Variants in MOB3B observed in about 807,000 individuals in gnomAD.
MOB3B encodes the protein MOB kinase activator 3B.
Under a neutral mutation model 18.7 loss-of-function variants are expected in MOB3B, and 7 were observed. The observed-to-expected ratio is 0.37, with a 90% CI of 0.21 to 0.70. The LOEUF (loss-of-function observed/expected upper bound fraction) is 0.70. Among genes scored for constraint, MOB3B ranks in the 30% least tolerant of loss-of-function variants. MOB3B has a pLI of 0.52. For missense variants in MOB3B, 253 were observed against 281.3 expected (o/e 0.90, Z 0.72); for synonymous variants, 111 against 99.9 (o/e 1.11, Z -0.66).
intron 1 of MOB3B, among the ~76,000 whole-genome samples, chr9:27,485,985 G>T (rs1819724175): frequency 6.6e-6 from 1 of 152,128 alleles, no homozygotes; most frequent in African/African-American, 2.4e-5. Flanking sequence ...CACTAGGCTG[G>T]GTTTTCTGTA....
intron 1 of MOB3B, chr9:27,524,713 A>C (rs754683878): frequency 1.2e-6 from 2 of 1,614,060 alleles, no homozygotes; most frequent in South Asian, 2.2e-5. Flanking sequence ...GAGTACCTGA[A>C]CCAATGCTTG....
intron 3 of MOB3B, among the ~76,000 whole-genome samples, chr9:27,357,144 A>ATATATATATATATATATATATATGTG (rs1486801059): frequency 7.4e-5 from 6 of 80,968 alleles, no homozygotes; most frequent in African/African-American, 2.5e-4. Context: ...ATATATATAT[A>ATATATATATATATATATATATATGTG]TGTGTTTTTT....
chr9:27,354,601 G>A (rs1459408613), intron 3 of MOB3B, among the ~76,000 whole-genome samples: 1 of 152,194 alleles, frequency 6.6e-6, no homozygotes, highest in African/African-American at 2.4e-5. Context: ...GATAAGGGGC[G>A]TATTGAAGAG....
chr9:27,528,962 T>C (rs1820484984), intron 1 of MOB3B, among the ~76,000 whole-genome samples: 1 of 152,178 alleles, frequency 6.6e-6, no homozygotes, highest in South Asian at 2.1e-4. Flanking sequence ...TTGACAGTTG[T>C]TGGCCCCAAA....
At chr9:27,513,262 T>C (rs1218280327) in intron 1 of MOB3B, among the ~76,000 whole-genome samples, 1 of 152,110 alleles carries the variant, frequency 6.6e-6, no homozygotes, top group Admixed American at 6.5e-5. Flanking sequence ...TCTTATTTTT[T>C]CCATCTCTAC....
At chr9:27,520,419 G>A (rs1168510606) in intron 1 of MOB3B, among the ~76,000 whole-genome samples, 1 of 152,230 alleles carries the variant, frequency 6.6e-6, no homozygotes, top group Non-Finnish European at 1.5e-5. Flanking sequence ...GCCTACTGAT[G>A]ACAAACTCAG....
chr9:27,407,983 A>C (rs1822012638), intron 2 of MOB3B, among the ~76,000 whole-genome samples: 1 of 152,018 alleles, frequency 6.6e-6, no homozygotes, highest in South Asian at 2.1e-4. Context: ...TGGTATCTCC[A>C]CTGAATCCTC....
At chr9:27,380,821 A>G (rs1821568014) in intron 2 of MOB3B, among the ~76,000 whole-genome samples, 1 of 152,084 alleles carries the variant, frequency 6.6e-6, no homozygotes, top group African/African-American at 2.4e-5. Context: ...ATTAGTTAAA[A>G]CTTATAAAAG....
intron 1 of MOB3B, among the ~76,000 whole-genome samples, 197 bp from the exon 2 acceptor site, chr9:27,455,945 C>T (rs907817892): frequency 3.3e-5 from 5 of 152,208 alleles, no homozygotes; most frequent in African/African-American, 7.2e-5. Context: ...GAAGAAAAGG[C>T]ATCACACTTG....
At chr9:27,401,092 C>T (rs1353923603) in intron 2 of MOB3B, among the ~76,000 whole-genome samples, 1 of 152,204 alleles carries the variant, frequency 6.6e-6, no homozygotes, top group Admixed American at 6.5e-5. Flanking sequence ...GAAGGTGAAG[C>T]CCAGCAATGG....
chr9:27,393,529 G>A (rs911618557), intron 2 of MOB3B, among the ~76,000 whole-genome samples: 2 of 152,132 alleles, frequency 1.3e-5, no homozygotes, highest in African/African-American at 4.8e-5. Context: ...TTCCCAAGGA[G>A]TTGTGCAAAA....
intron 2 of MOB3B, among the ~76,000 whole-genome samples, chr9:27,430,204 G>C (rs547117523): frequency 2.6e-5 from 4 of 152,266 alleles, no homozygotes; most frequent in Admixed American, 1.3e-4. Flanking sequence ...AAGCTTAGAG[G>C]AACTGCTGAG....
At chr9:27,419,203 A>G (rs956006816) in intron 2 of MOB3B, among the ~76,000 whole-genome samples, 8 of 152,202 alleles carry the variant, frequency 5.3e-5, no homozygotes, top group Non-Finnish European at 1.2e-4. Context: ...GATGGGTAGA[A>G]TCAACATTGT....
intron 2 of MOB3B, 145 bp from the exon 3 acceptor site, chr9:27,359,381 G>T (rs1035571513): frequency 0.013 from 7,336 of 553,496 alleles, 141 homozygotes; most frequent in Admixed American, 0.015. Context: ...GTGTGTGTGG[G>T]GGGGGGGGGT....
chr9:27,486,468 A>C (rs1819731407), intron 1 of MOB3B, among the ~76,000 whole-genome samples: 1 of 152,258 alleles, frequency 6.6e-6, no homozygotes, highest in Non-Finnish European at 1.5e-5. Flanking sequence ...GAGGCAATGA[A>C]TAGAATAACT....
intron 1 of MOB3B, among the ~76,000 whole-genome samples, chr9:27,468,191 G>A (rs549709389): frequency 3.9e-5 from 6 of 152,310 alleles, no homozygotes; most frequent in East Asian, 1.9e-4. Context: ...GTCATAGGGT[G>A]CATTTGTACC....
chr9:27,461,089 C>T (rs776565538), intron 1 of MOB3B, among the ~76,000 whole-genome samples: 32 of 152,178 alleles, frequency 2.1e-4, no homozygotes, highest in Non-Finnish European at 4.0e-4. Context: ...TCTGAAATTC[C>T]ACCTCTTCAG....
intron 1 of MOB3B, among the ~76,000 whole-genome samples, chr9:27,495,105 G>T (rs1819876951): frequency 6.6e-6 from 1 of 152,034 alleles, no homozygotes; most frequent in South Asian, 2.1e-4. Context: ...GAGGTGGGAG[G>T]ATCACTTGAG....
At chr9:27,401,399 A>T (rs1332702265) in intron 2 of MOB3B, among the ~76,000 whole-genome samples, 2 of 152,132 alleles carry the variant, frequency 1.3e-5, no homozygotes, top group East Asian at 3.9e-4. Flanking sequence ...GGTGACATAC[A>T]AGTCACGTGA....
Sources: allele counts gnomAD v4.1 joint callset (sites outside exome capture counted in the v4.1 genomes callset), GRCh38; gene constraint gnomAD v4.1.1; transcripts MANE v1.5; gene names NCBI Gene and HGNC (gene_info 2026-07-23, HGNC 2026-07-21).